Variants in RPRD2 observed in about 807,000 individuals in gnomAD.
The protein encoded by RPRD2 is regulation of nuclear pre-mRNA domain-containing protein 2.
RPRD2 carries 12 observed loss-of-function variants against 104.4 expected under a neutral mutation model. That is an observed-to-expected ratio of 0.11 (90% CI 0.07 to 0.19). The LOEUF is 0.19. Among genes scored for constraint, RPRD2 ranks in the 10% least tolerant of loss-of-function variants. The pLI is 1.00. For missense variants in RPRD2, 1,543 were observed against 1,790.1 expected, an observed-to-expected ratio of 0.86 and a Z score of 2.49; for synonymous variants, 714 against 684.9, an observed-to-expected ratio of 1.04 and a Z score of -0.66.
chr1:150,405,483 C>T (rs1015408028), intron 1 of RPRD2, among the ~76,000 whole-genome samples: 3 of 151,908 alleles, frequency 2.0e-5, no homozygotes, highest in East Asian at 1.9e-4. Flanking sequence ...CATATAATTC[C>T]GTAGGCTGAA....
Position 150,473,170 on chromosome 1 carries a change from A to C in RPRD2, c.4222A>C (p.Ser1408Arg). 1.2e-6 allele frequency: 2 copies of C among 1,614,010 alleles called. No homozygotes were observed. The highest frequency in any genetic ancestry group is 1.7e-6 in the Non-Finnish European group (2 of 1,179,882). Residue 1408 changes from serine to arginine, a missense_variant, in exon 11 of 11, where the codon AGC becomes CGC. Physicochemically the swap from Ser to Arg is moderately radical, Grantham distance 110. Around this residue, in one of 4 missense-constraint regions of RPRD2, gnomAD observed 880 missense variants for 885.6 expected, o/e 0.99. Transcript: ENST00000369068. ...PLGPSHRDTI[S>R]RSGIILRSPR... is the part of the protein sequence containing the mutation. ...GGGTCCCTCACACAGAGACACCATC[A>C]GCCGGAGTGGTATAATCTTACGGAG...
Position 150,473,615 on chromosome 1 carries a change from G to C in RPRD2, c.*281G>C, listed in dbSNP as rs1460481195. On this transcript the variant is annotated 3_prime_UTR_variant, in exon 11 of 11. Transcript: ENST00000369068. ...ACAACCAAAGCCATTTCATTTGGCT[G>C]GGGGGTTGGGGAGTGGGGAGGAAAA... is the stretch of plus-strand genomic sequence containing the variant. The C allele has an allele frequency of 1.1e-5, 3 of 261,804 alleles. No homozygotes were observed. Among genetic ancestry groups the C allele is most frequent in the Non-Finnish European group, 2.1e-5 (3 of 140,984 alleles). The allele number at this position is 261,804 out of a possible 1,614,324, so 16.2% of individuals were successfully genotyped here.
chr1:150,414,170 T>C (rs782145916), intron 1 of RPRD2, among the ~76,000 whole-genome samples: 8 of 152,170 alleles, frequency 5.3e-5, no homozygotes, highest in Non-Finnish European at 1.0e-4. Context: ...GCTTGATATC[T>C]ACAGATATGG....
At chr1:150,389,811 A>G (rs1661924996) in intron 1 of RPRD2, among the ~76,000 whole-genome samples, 1 of 152,190 alleles carries the variant, frequency 6.6e-6, no homozygotes, top group African/African-American at 2.4e-5. Flanking sequence ...CTGTTCATTC[A>G]CAGAAGTAAA....
chr1:150,404,939 A>G (rs1162129768), intron 1 of RPRD2, among the ~76,000 whole-genome samples: 1 of 152,190 alleles, frequency 6.6e-6, no homozygotes, highest in Non-Finnish European at 1.5e-5. Context: ...TCAGACTACC[A>G]TATCTTACTT....
intron 1 of RPRD2, among the ~76,000 whole-genome samples, chr1:150,367,793 G>C (rs1360973742): frequency 2.0e-5 from 3 of 151,654 alleles, no homozygotes; most frequent in African/African-American, 7.3e-5. Flanking sequence ...CGCGATCTCA[G>C]CTCACTGCAA....
intron 2 of RPRD2, among the ~76,000 whole-genome samples, chr1:150,422,921 C>CT (rs1177086689): frequency 6.6e-6 from 1 of 152,144 alleles, no homozygotes; most frequent in Non-Finnish European, 1.5e-5. Flanking sequence ...AGTTGGGAAA[C>CT]TATTTTCTCC....
chr1:150,454,542 A>G (rs1173505331), intron 7 of RPRD2, among the ~76,000 whole-genome samples: 1 of 152,180 alleles, frequency 6.6e-6, no homozygotes, highest in Non-Finnish European at 1.5e-5. Context: ...ATGTATTCAT[A>G]TCTTTTTAAA....
chr1:150,456,393 C>T (rs1319484560), intron 7 of RPRD2, among the ~76,000 whole-genome samples: 1 of 152,114 alleles, frequency 6.6e-6, no homozygotes, highest in Non-Finnish European at 1.5e-5. Flanking sequence ...AAACTAGAAA[C>T]TACTGCATGC....
intron 2 of RPRD2, among the ~76,000 whole-genome samples, chr1:150,431,333 A>G (rs587651035): frequency 1.3e-5 from 2 of 152,222 alleles, no homozygotes; most frequent in South Asian, 2.1e-4. Context: ...ACTTAAACAG[A>G]TATTTGTATA....
At chr1:150,429,989 G>A (rs782434244) in intron 2 of RPRD2, among the ~76,000 whole-genome samples, 2 of 152,206 alleles carry the variant, frequency 1.3e-5, no homozygotes, top group African/African-American at 4.8e-5. Context: ...GTGCTCTTGT[G>A]TAATTAGCTC....
chr1:150,405,407 A>AT (rs5777725), intron 1 of RPRD2, among the ~76,000 whole-genome samples: 49,165 of 150,836 alleles, frequency 0.33, 8,727 homozygotes, highest in Non-Finnish European at 0.4. Flanking sequence ...AAAATTTTTT[A>AT]TTTTTTTTTG....
Position 150,472,607 on chromosome 1 carries a change from C to G in RPRD2, c.3659C>G (p.Pro1220Arg). ...CCATCATCTGCCCCACCTGTCCCTCCTAAGGATCATGGTGGTATCTTCTCT... is the reference window on the plus strand; with the variant it reads ...CCATCATCTGCCCCACCTGTCCCTCGTAAGGATCATGGTGGTATCTTCTCT... The part of the protein sequence containing the change: ...VGPSSAPPVP[P>R]KDHGGIFSRD... The change falls in exon 11 of 11, where the codon CCT (proline) becomes CGT (arginine). Residue 1220 changes from proline (P) to arginine (R), a missense_variant. Physicochemically the swap from Pro to Arg is moderately radical, Grantham distance 103. Coordinates refer to ENST00000369068, the MANE Select transcript of RPRD2 (RefSeq NM_015203.5). 2.5e-6 allele frequency: 4 copies of G among 1,613,934 alleles called. No individual in the cohort carries two copies. The highest frequency in any genetic ancestry group is 1.1e-5 in the South Asian group (1 of 91,084).
At chr1:150,426,223 G>A (rs782708318) in intron 2 of RPRD2, among the ~76,000 whole-genome samples, 11 of 152,100 alleles carry the variant, frequency 7.2e-5, no homozygotes, top group Non-Finnish European at 1.3e-4. Flanking sequence ...CTAGCCAAAC[G>A]CTCATACTGT....
chr1:150,437,575 A>G (rs1205114050), intron 2 of RPRD2, among the ~76,000 whole-genome samples: 3 of 152,070 alleles, frequency 2.0e-5, no homozygotes, highest in Non-Finnish European at 4.4e-5. Flanking sequence ...GTAACTTTTT[A>G]AAAATTTATT....
Position 150,387,567 on chromosome 1 carries a change from C to CTTTTTTTTTTTT in RPRD2, c.205+22678_205+22689dup, listed in dbSNP as rs562476167. 8.8e-4 allele frequency among the ~76,000 whole-genome samples: 65 copies of CTTTTTTTTTTTT among 73,768 alleles called. 5 individuals are homozygous for CTTTTTTTTTTTT. The highest frequency in any genetic ancestry group is 0.012 in the Middle Eastern group (1 of 82). 48.4% of individuals were successfully genotyped at this position (73,768 alleles called of 152,430 possible). ...AAATCTTACAGAAGTTGCAACAGAC[C>CTTTTTTTTTTTT]TTTTTTTTTTTTTTTTTTTTTTTTT... On this transcript the variant is annotated intron_variant, in intron 1 of 10. Transcript: ENST00000369068.
rs587631604 is a variant in RPRD2 at position 150,440,621 on chromosome 1, A to G, written c.336-302A>G. On this transcript the variant is annotated intron_variant, in intron 2 of 10. Coordinates refer to ENST00000369068, the MANE Select transcript of RPRD2 (RefSeq NM_015203.5). Reference sequence around the variant, plus strand: ...TAGTGTAATTGTGTTTTAGAATGCCAGTTGTGTCTGCACATTCCCAGCCCT... The same window carrying G: ...TAGTGTAATTGTGTTTTAGAATGCCGGTTGTGTCTGCACATTCCCAGCCCT... 5.3e-5 allele frequency among the ~76,000 whole-genome samples: 8 copies of G among 152,344 alleles called. No homozygotes were observed. In the South Asian group the frequency reaches 1.7e-3, roughly 32 times the overall value.
intron 1 of RPRD2, among the ~76,000 whole-genome samples, chr1:150,382,741 TG>T (rs1287921198): frequency 2.0e-5 from 3 of 152,162 alleles, no homozygotes; most frequent in South Asian, 4.1e-4. Flanking sequence ...GAGGCTGAAA[TG>T]GGAGGATCAC....
rs970835766 is a variant in RPRD2, at chr1:150,471,874, T to C, written c.2926T>C (p.Ser976Pro). The C allele has an allele frequency of 1.2e-6, 2 of 1,613,692 alleles. No individual in the cohort carries two copies. Among genetic ancestry groups the C allele is most frequent in the African/African-American group, 2.7e-5 (2 of 74,846 alleles). Residue 976 changes from serine to proline, a missense_variant, in exon 11 of 11, where the codon TCT becomes CCT. Ser to Pro is a moderately conservative substitution (Grantham distance 74). This residue lies in a region of RPRD2 where 880 missense variants were observed against 885.6 expected (regional missense o/e 0.99). Transcript: ENST00000369068. This position sits in a 1 kb window ranked among gnomAD's most constrained non-coding sequence, Gnocchi z 5.3. ...PHPVPHRSLF[S>P]PQNTLAAPTG... is the part of the protein sequence containing the mutation. ...CCCAGTCCCACATCGTTCCCTTTTC[T>C]CTCCGCAGAACACCCTTGCCGCTCC...
Sources: gnomAD v4.1 joint callset for allele counts (sites outside exome capture counted in the v4.1 genomes callset) on GRCh38, gnomAD v4.1.1 for gene constraint, gnomAD v4.1.1 regional missense constraint, Gnocchi (gnomAD v3.1) non-coding constraint, MANE v1.5 for transcripts, NCBI Gene and HGNC (gene_info 2026-07-23, HGNC 2026-07-21) for gene names.